The following CTNNA3 variants were observed in gnomAD, a reference collection of about 807,000 sequenced individuals.
The protein encoded by CTNNA3 is catenin alpha 3.
A neutral mutation model predicts 95.7 loss-of-function variants in CTNNA3; 76 were observed. That is an observed-to-expected ratio of 0.79 (90% CI 0.66 to 0.96). The LOEUF is 0.96. Ranked by LOEUF, CTNNA3 falls within the 40% of genes least tolerant of loss-of-function variation. The pLI is 0.00. For synonymous variants in CTNNA3, 431 were observed against 374.4 expected (o/e 1.15, Z -1.74); for missense variants, 1,191 against 1,089.8 (o/e 1.09, Z -1.31).
At chr10:67,292,476 A>G (rs370727888) in intron 5 of CTNNA3, among the ~76,000 whole-genome samples, 3 of 152,158 alleles carry the variant, frequency 2.0e-5, no homozygotes, top group African/African-American at 7.2e-5. Context: ...CAATAAGCGC[A>G]ATGATTGTAA....
In CTNNA3 at chr10:66,096,973, A is replaced by T. The variant is rs373061115; in HGVS notation, c.1977+6184T>A. On this transcript the variant is annotated intron_variant, in intron 14 of 17. Transcript: ENST00000433211. Reference sequence around the variant, plus strand: ...GGCATTTTACTAAATGGTGAGGGAAATAAGAACTTGACAACTATTGGGTCA... The same window carrying T: ...GGCATTTTACTAAATGGTGAGGGAATTAAGAACTTGACAACTATTGGGTCA... 2.0e-5 allele frequency among the ~76,000 whole-genome samples: 3 copies of T among 152,338 alleles called. No individual in the cohort carries two copies. The East Asian group carries it at 5.8e-4, about 29-fold the overall frequency.
Position 66,797,148 on chromosome 10 carries a change from T to C in CTNNA3, c.1048-21624A>G, listed in dbSNP as rs370717102. Among the ~76,000 whole-genome samples, 4 of 152,114 alleles carry C rather than the reference T, an allele frequency of 2.6e-5. No individual in the cohort carries two copies. In the East Asian group the frequency reaches 5.8e-4, roughly 22 times the overall value. ...ACAACAAAAGTGCCTCAAGTGATTA[T>C]GTTTTCTTTATTTATTCTCAGTGTT... is the stretch of plus-strand genomic sequence containing the variant. On this transcript the variant is annotated intron_variant, in intron 7 of 17. Transcript: ENST00000433211.
At chr10:66,684,266 A>G (rs1386032211) in intron 9 of CTNNA3, among the ~76,000 whole-genome samples, 18 of 152,102 alleles carry the variant, frequency 1.2e-4, no homozygotes, top group Admixed American at 1.1e-3. Context: ...ATATCCTATA[A>G]TGCACAGGGT....
chr10:67,559,184 C>A (rs1419913115), intron 3 of CTNNA3, among the ~76,000 whole-genome samples: 2 of 152,236 alleles, frequency 1.3e-5, no homozygotes, highest in African/African-American at 4.8e-5. Flanking sequence ...CAGACTGCCT[C>A]CTCAAGTGGG....
At chr10:66,999,284 T>C (rs1348922632) in intron 7 of CTNNA3, among the ~76,000 whole-genome samples, 4 of 152,140 alleles carry the variant, frequency 2.6e-5, no homozygotes, top group Non-Finnish European at 5.9e-5. Context: ...GTAAATCAAT[T>C]AATTAAAAAT....
chr10:66,597,344 G>A (rs1320497089), intron 10 of CTNNA3, among the ~76,000 whole-genome samples: 1 of 150,978 alleles, frequency 6.6e-6, no homozygotes, highest in African/African-American at 2.4e-5. Context: ...AGCCTTCACT[G>A]GGACACATTA....
chr10:65,983,198 T>C (rs2078360337), intron 16 of CTNNA3, among the ~76,000 whole-genome samples: 1 of 151,704 alleles, frequency 6.6e-6, no homozygotes, highest in Non-Finnish European at 1.5e-5. Context: ...GTCCAGTTAT[T>C]AGCCTTAATA....
chr10:67,267,072 C>T (rs1182629439), intron 5 of CTNNA3, among the ~76,000 whole-genome samples: 1 of 152,132 alleles, frequency 6.6e-6, no homozygotes, highest in Non-Finnish European at 1.5e-5. Context: ...GGTTTGATCA[C>T]ATTGACAGGG....
At chr10:66,269,915 T>C (rs1381567264) in intron 13 of CTNNA3, among the ~76,000 whole-genome samples, 7 of 152,104 alleles carry the variant, frequency 4.6e-5, no homozygotes, top group East Asian at 1.9e-4. Flanking sequence ...CGAAGACAAA[T>C]AGCATCAAAC....
chr10:65,984,756 A>C (rs565024832), intron 16 of CTNNA3, among the ~76,000 whole-genome samples: 10 of 151,502 alleles, frequency 6.6e-5, no homozygotes, highest in African/African-American at 2.4e-4. Context: ...TAAACAGAAA[A>C]AAATGGGAGG....
intron 7 of CTNNA3, among the ~76,000 whole-genome samples, chr10:66,893,837 A>T (rs1019474510): frequency 1.1e-4 from 16 of 152,168 alleles, no homozygotes; most frequent in Admixed American, 5.2e-4. Context: ...GACTGAGTCC[A>T]AGGAAGTCCT....
chr10:66,860,971 A>G (rs1186391836), intron 7 of CTNNA3, among the ~76,000 whole-genome samples: 1 of 152,190 alleles, frequency 6.6e-6, no homozygotes, highest in Non-Finnish European at 1.5e-5. Flanking sequence ...GGTTCACTTA[A>G]TAGCCTTCTC....
At chr10:66,607,233 G>A (rs1844157242) in intron 10 of CTNNA3, among the ~76,000 whole-genome samples, 1 of 151,918 alleles carries the variant, frequency 6.6e-6, no homozygotes, top group South Asian at 2.1e-4. Flanking sequence ...GAGCCACGAA[G>A]GAACTGAATC....
At chr10:67,340,534 C>G (rs936452011) in intron 5 of CTNNA3, among the ~76,000 whole-genome samples, 5 of 152,134 alleles carry the variant, frequency 3.3e-5, no homozygotes, top group Non-Finnish European at 5.9e-5. Flanking sequence ...GACTAACAGG[C>G]AAAGATTGTC....
At chr10:66,902,898 C>T (rs974691349) in intron 7 of CTNNA3, among the ~76,000 whole-genome samples, 13 of 135,224 alleles carry the variant, frequency 9.6e-5, no homozygotes, top group South Asian at 8.0e-4. Flanking sequence ...AGCATACCAA[C>T]GAAAAAAGTC....
intron 12 of CTNNA3, among the ~76,000 whole-genome samples, chr10:66,296,718 G>T (rs998888092): frequency 1.3e-5 from 2 of 152,046 alleles, no homozygotes; most frequent in Admixed American, 1.3e-4. Context: ...TATCTGTATG[G>T]ATTTCAAGAA....
At chr10:67,539,978 T>A (rs1427924900) in intron 3 of CTNNA3, among the ~76,000 whole-genome samples, 1 of 152,188 alleles carries the variant, frequency 6.6e-6, no homozygotes, top group East Asian at 1.9e-4. Flanking sequence ...TAAAAGGTTT[T>A]ATTACTAAAG....
intron 13 of CTNNA3, among the ~76,000 whole-genome samples, chr10:66,162,830 T>TG (rs1023300549): frequency 1.4e-5 from 2 of 142,486 alleles, no homozygotes; most frequent in Non-Finnish European, 3.0e-5. Flanking sequence ...GACCATCAGG[T>TG]GGGGGCAGGG....
intron 9 of CTNNA3, among the ~76,000 whole-genome samples, chr10:66,749,127 C>T (rs981280687): frequency 7.8e-5 from 11 of 141,144 alleles, no homozygotes; most frequent in Non-Finnish European, 1.4e-4. Context: ...CACTTGAACC[C>T]GGGAGGCAGA....
Sources: gnomAD v4.1 joint callset for allele counts (sites outside exome capture counted in the v4.1 genomes callset) on GRCh38, gnomAD v4.1.1 for gene constraint, MANE v1.5 for transcripts, NCBI Gene and HGNC (gene_info 2026-07-23, HGNC 2026-07-21) for gene names.